SLC14A2: variants seen among roughly 807,000 people sequenced by gnomAD.
The protein encoded by SLC14A2 is urea transporter 2.
In SLC14A2, 91 loss-of-function variants were observed where a neutral mutation model predicts 104.6. The ratio of observed to expected loss-of-function variants is 0.87; its 90% CI spans 0.73 to 1.04. The LOEUF (loss-of-function observed/expected upper bound fraction) is 1.04, where lower values mean the gene tolerates loss of function less well. Ranked by LOEUF, SLC14A2 falls within the 50% of genes least tolerant of loss-of-function variation. The probability of loss-of-function intolerance (pLI) is 0.00; values close to 1 mark genes in which losing one functional copy is unlikely to be tolerated. For synonymous variants in SLC14A2, 476 were observed against 466.4 expected (o/e 1.02, Z -0.27); for missense variants, 1,189 against 1,156.0 (o/e 1.03, Z -0.41).
intron 1 of SLC14A2, among the ~76,000 whole-genome samples, chr18:45,251,273 C>T (rs891808591): frequency 2.0e-5 from 3 of 152,260 alleles, no homozygotes; most frequent in East Asian, 3.9e-4. Context: ...TGAGAACATA[C>T]TATGTTTGCT....
At chr18:45,338,712 A>AAAAT (rs1568158107) in intron 1 of SLC14A2, among the ~76,000 whole-genome samples, 1 of 143,936 alleles carries the variant, frequency 6.9e-6, no homozygotes, top group African/African-American at 2.7e-5. Context: ...AAAAAAAAAA[A>AAAAT]CTCTTTATTT....
At chr18:45,391,533 G>C (rs905828136) in intron 1 of SLC14A2, among the ~76,000 whole-genome samples, 11 of 152,142 alleles carry the variant, frequency 7.2e-5, no homozygotes, top group Non-Finnish European at 1.3e-4. Context: ...CTAGTTTACA[G>C]TCCCACCAAC....
intron 1 of SLC14A2, among the ~76,000 whole-genome samples, chr18:45,216,874 C>T (rs1368314975): frequency 6.6e-6 from 1 of 152,170 alleles, no homozygotes; most frequent in Admixed American, 6.5e-5. Flanking sequence ...GACATCCACA[C>T]AAAATCCTCC....
At chr18:45,205,908 G>A in the SLC14A2 span, among the ~76,000 whole-genome samples, 1 of 152,252 alleles carries the variant, frequency 6.6e-6, no homozygotes, top group African/African-American at 2.4e-5. Context: ...AGCATGGAAA[G>A]AGGGAGGGGG....
At chr18:45,624,255 T>C (rs375386199) in intron 1 of SLC14A2, among the ~76,000 whole-genome samples, 1 of 152,098 alleles carries the variant, frequency 6.6e-6, no homozygotes, top group East Asian at 1.9e-4. Flanking sequence ...CTCCAATCAG[T>C]ACTGGATCTG....
intron 1 of SLC14A2, among the ~76,000 whole-genome samples, chr18:45,234,730 G>C (rs2084208101): frequency 6.6e-6 from 1 of 152,114 alleles, no homozygotes; most frequent in Non-Finnish European, 1.5e-5. Context: ...CTACTGCCTT[G>C]TTGGGAAACC....
chr18:45,212,032 A>G (rs920125371), upstream of SLC14A2, among the ~76,000 whole-genome samples: 1 of 152,180 alleles, frequency 6.6e-6, no homozygotes, highest in Non-Finnish European at 1.5e-5. Context: ...AATGACTCCC[A>G]TTTTAATTGA....
At chr18:45,277,180 G>T (rs1416810361) in intron 1 of SLC14A2, among the ~76,000 whole-genome samples, 2 of 152,128 alleles carry the variant, frequency 1.3e-5, no homozygotes, top group African/African-American at 4.8e-5. Context: ...AGCATCTTAT[G>T]GTTTCCAGTT....
the SLC14A2 span, among the ~76,000 whole-genome samples, chr18:45,174,969 A>C: frequency 6.6e-6 from 1 of 152,200 alleles, no homozygotes; most frequent in Non-Finnish European, 1.5e-5. Context: ...GATCACAAAC[A>C]TACCCTGTTG....
At chr18:45,373,531 A>C (rs940148414) in intron 1 of SLC14A2, among the ~76,000 whole-genome samples, 7 of 152,166 alleles carry the variant, frequency 4.6e-5, no homozygotes, top group African/African-American at 1.4e-4. Flanking sequence ...TCTGGAGCCA[A>C]CTTCAGGCTA....
intron 2 of SLC14A2, among the ~76,000 whole-genome samples, chr18:45,604,272 G>A (rs11082455): frequency 0.68 from 103,717 of 152,030 alleles, 35,878 homozygotes; most frequent in East Asian, 0.85. Context: ...GTGAGATCCA[G>A]TTAATCCTAA....
rs757203252 is a variant in SLC14A2, at chr18:45,466,343, A to T, written c.-124-16890A>T. On this transcript the variant is annotated intron_variant, in intron 1 of 20. Coordinates refer to the SLC14A2 transcript ENST00000586448. Reference sequence around the variant, plus strand: ...GAGAGGCAGAAGGAGGCCTGCACCCAGGAAACCTAGAGTCTGCCAGAGAAG... The same window carrying T: ...GAGAGGCAGAAGGAGGCCTGCACCCTGGAAACCTAGAGTCTGCCAGAGAAG... Among the ~76,000 whole-genome samples the T allele has an allele frequency of 1.6e-4, 24 of 151,902 alleles. 1 individual carries two copies. Among genetic ancestry groups the T allele is most frequent in the Non-Finnish European group, 3.2e-4 (22 of 68,006 alleles).
chr18:45,652,908 C>G lies in SLC14A2; in HGVS notation c.1351+8748C>G, dbSNP rs149767483. Among the ~76,000 whole-genome samples the G allele has an allele frequency of 4.6e-3, 701 of 152,228 alleles. 2 individuals are homozygous for G. The highest frequency in any genetic ancestry group is 7.7e-3 in the Non-Finnish European group (526 of 68,026). ...GGCTAATGGAATGTGTATGAACTTC[C>G]TGAAAGCCTTCTTAAGCAGTCATTT... On this transcript the variant is annotated intron_variant, in intron 10 of 19. Transcript: ENST00000255226.
At chr18:45,673,875 GT>G (rs34433734) in intron 18 of SLC14A2, 58 bp downstream of exon 18, 5 of 1,520,502 alleles carry the variant, frequency 3.3e-6, no homozygotes, top group African/African-American at 2.8e-5. Flanking sequence ...ACATAAAACT[GT>G]TTTTTTATGT....
chr18:45,366,902 G>A (rs1598726414), intron 1 of SLC14A2, among the ~76,000 whole-genome samples: 1 of 152,188 alleles, frequency 6.6e-6, no homozygotes, highest in Non-Finnish European at 1.5e-5. Context: ...GCCAAGTAAC[G>A]GACCTGTGAG....
At chr18:45,472,715 A>T (rs2087274860) in intron 1 of SLC14A2, among the ~76,000 whole-genome samples, 1 of 151,720 alleles carries the variant, frequency 6.6e-6, no homozygotes, top group Admixed American at 6.6e-5. Flanking sequence ...CCATTTTTTG[A>T]TGGGGTTGTG....
intron 2 of SLC14A2, among the ~76,000 whole-genome samples, chr18:45,610,362 G>A (rs189636361): frequency 2.0e-4 from 30 of 152,292 alleles, no homozygotes; most frequent in African/African-American, 6.5e-4. Flanking sequence ...TCTCAATCCT[G>A]GCTGAACATT....
intron 1 of SLC14A2, among the ~76,000 whole-genome samples, chr18:45,437,263 T>C (rs2086611864): frequency 6.6e-6 from 1 of 152,214 alleles, no homozygotes; most frequent in African/African-American, 2.4e-5. Context: ...ACTAAGGCAC[T>C]CCTCCTGTCT....
intron 2 of SLC14A2, among the ~76,000 whole-genome samples, chr18:45,485,682 TC>T (rs775749506): frequency 1.7e-4 from 26 of 152,288 alleles, no homozygotes; most frequent in Admixed American, 5.2e-4. Context: ...AGTTTTTTCT[TC>T]CCTTCAACTC....
Sources: allele counts gnomAD v4.1 joint callset (sites outside exome capture counted in the v4.1 genomes callset), GRCh38; gene constraint gnomAD v4.1.1; transcripts MANE v1.5; gene names NCBI Gene and HGNC (gene_info 2026-07-23, HGNC 2026-07-21).